The following ZNF789 variants were observed in gnomAD, a reference collection of about 807,000 sequenced individuals.
ZNF789 encodes the protein zinc finger protein 789.
In ZNF789, 11 loss-of-function variants were observed where a neutral mutation model predicts 15.6. The ratio of observed to expected loss-of-function variants is 0.70; its 90% CI spans 0.44 to 1.16. The LOEUF (loss-of-function observed/expected upper bound fraction) is 1.16. ZNF789 is among the 50% of genes most tolerant of loss of function. The pLI is 0.00. For synonymous variants in ZNF789, 159 were observed against 176.0 expected (o/e 0.90, Z 0.76); for missense variants, 461 against 512.6 (o/e 0.90, Z 0.97).
In ZNF789 at chr7:99,479,692, A is replaced by G; in HGVS notation, c.56A>G (p.Tyr19Cys). The G allele has an allele frequency of 1.2e-6, 2 of 1,611,086 alleles. No homozygotes were observed. Among genetic ancestry groups the G allele is most frequent in the Non-Finnish European group, 1.7e-6 (2 of 1,178,890 alleles). ...CTCTCGTTTGAGGATGTGGCGATGT[A>G]CTTCACCAGAGAGGAGTGGGGCCAC... ...ELLSFEDVAM[Y>C]FTREEWGHLN... The change falls in exon 3 of 5, where the codon TAC (tyrosine) becomes TGC (cysteine). Residue 19 changes from tyrosine (Y) to cysteine (C), a missense_variant. Physicochemically the swap from Tyr to Cys is radical, Grantham distance 194. Transcript: ENST00000331410.
Position 99,487,360 on chromosome 7 carries a change from CTT to C in ZNF789, c.1154_1155del (p.Phe385SerfsTer29). ...CGKTFSFKRN[L>X]FRHQVIHTGS... ...GAAAACGTTTAGTTTTAAGAGGAAT[CTT>C]TTTCGACATCAGGTCATTCACACTG... On this transcript the variant is annotated frameshift_variant, in exon 5 of 5. Transcript: ENST00000331410. LOFTEE classifies it low-confidence loss of function (END_TRUNC). 1.2e-6 allele frequency: 2 copies of C among 1,614,232 alleles called. No individual in the cohort carries two copies. The highest frequency in any genetic ancestry group is 1.7e-6 in the Non-Finnish European group (2 of 1,180,038).
intron 3 of ZNF789, 22 bp from the exon 4 acceptor site, chr7:99,484,008 C>G (rs1584567781): frequency 1.2e-6 from 2 of 1,603,182 alleles, no homozygotes; most frequent in East Asian, 4.5e-5. Context: ...CGGCCACATC[C>G]CATTTACTTC....
At chr7:99,483,705 A>T (rs1325841793) in intron 3 of ZNF789, 5 of 780,956 alleles carry the variant, frequency 6.4e-6, no homozygotes, top group Non-Finnish European at 9.6e-6. Flanking sequence ...TTAATGTGCT[A>T]CGCTTGATTT....
intron 2 of ZNF789, among the ~76,000 whole-genome samples, chr7:99,476,696 A>C (rs934374015): frequency 1.3e-5 from 2 of 152,204 alleles, no homozygotes; most frequent in African/African-American, 2.4e-5. Flanking sequence ...GAGAGTGCCT[A>C]TCACAGCGAG....
rs1799337776 is a variant in ZNF789, at chr7:99,476,440, ACCAGG to A, written c.-14_-10del. 6.2e-7 allele frequency: 1 copy of A among 1,609,488 alleles called. No individual in the cohort carries two copies. The highest frequency in any genetic ancestry group is 1.3e-5 in the African/African-American group (1 of 74,762). On this transcript the variant is annotated 5_prime_UTR_variant, in exon 2 of 5. Transcript: ENST00000331410. ...TCCAGGATCCCACCCCTTGCAAAAG[ACCAGG>A]CCGTGGAAGCCATGTTCCCACCAGC...
At chr7:99,479,354 T>G in intron 2 of ZNF789, 2 of 252,094 alleles carry the variant, frequency 7.9e-6, no homozygotes, top group Non-Finnish European at 7.5e-6. Flanking sequence ...AGATTGTTGA[T>G]TTGCTGTTCC....
At chr7:99,474,332 C>T (rs1000117569) in intron 1 of ZNF789, among the ~76,000 whole-genome samples, 1 of 152,194 alleles carries the variant, frequency 6.6e-6, no homozygotes, top group Non-Finnish European at 1.5e-5. Flanking sequence ...CGGTGGCTCA[C>T]GCCTGTAATC....
intron 2 of ZNF789, chr7:99,478,216 C>T (rs1401804756): frequency 4.1e-6 from 5 of 1,209,634 alleles, no homozygotes; most frequent in African/African-American, 1.6e-5. Context: ...AGTTACCATG[C>T]CACAATGACT....
At chr7:99,476,299 A>G in intron 1 of ZNF789, 104 bp from the exon 2 acceptor site, 1 of 675,650 alleles carries the variant, frequency 1.5e-6, no homozygotes, top group Non-Finnish European at 2.4e-6. Flanking sequence ...GGGACTTTGT[A>G]TTAAGCTTTG....
rs774844860 is a variant in ZNF789, at chr7:99,487,509, T to C, written c.*21T>C. 7.5e-6 allele frequency: 12 copies of C among 1,593,930 alleles called. No homozygotes were observed. The highest frequency in any genetic ancestry group is 4.1e-5 in the African/African-American group (3 of 74,024). On this transcript the variant is annotated 3_prime_UTR_variant, in exon 5 of 5. Transcript: ENST00000331410. ...CATGATGTTAATTGGAAAGCAGTCATTGGAGAACTAGAACTTATAAACCTC... is the reference window on the plus strand; with the variant it reads ...CATGATGTTAATTGGAAAGCAGTCACTGGAGAACTAGAACTTATAAACCTC...
At chr7:99,482,746 C>T (rs1370515359) in intron 3 of ZNF789, among the ~76,000 whole-genome samples, 1 of 151,544 alleles carries the variant, frequency 6.6e-6, no homozygotes, top group East Asian at 2.0e-4. Flanking sequence ...CTCAGCTATT[C>T]CGGAGGCTGA....
intron 2 of ZNF789, chr7:99,478,456 G>C: frequency 1.0e-6 from 1 of 985,378 alleles, no homozygotes; most frequent in South Asian, 1.3e-5. Context: ...CCTGCAGAGG[G>C]GAGCTACGTG....
intron 3 of ZNF789, among the ~76,000 whole-genome samples, chr7:99,482,707 A>G (rs953295628): frequency 1.3e-5 from 2 of 151,924 alleles, no homozygotes; most frequent in African/African-American, 4.8e-5. Context: ...ATTCAAAATT[A>G]GTCAGGCGTG....
intron 2 of ZNF789, 194 bp from the exon 3 acceptor site, chr7:99,479,467 C>T (rs1046421782): frequency 3.7e-5 from 18 of 487,034 alleles, no homozygotes; most frequent in African/African-American, 1.4e-4. Flanking sequence ...GTGTCGACCC[C>T]GTGGTATGGA....
intron 4 of ZNF789, 33 bp from the exon 5 acceptor site, chr7:99,486,443 G>C: frequency 3.2e-6 from 5 of 1,580,316 alleles, no homozygotes; most frequent in Non-Finnish European, 3.4e-6. Flanking sequence ...GCAGTGGATA[G>C]GTCATTTACA....
At chr7:99,480,117 G>A (rs1799543622) in intron 3 of ZNF789, 2 of 327,120 alleles carry the variant, frequency 6.1e-6, no homozygotes, top group Non-Finnish European at 1.1e-5. Flanking sequence ...CATGAGGTCA[G>A]TAGTTTGAGA....
rs752387755 is a variant in ZNF789 at position 99,487,498 on chromosome 7, GA to G, written c.*13del. On this transcript the variant is annotated 3_prime_UTR_variant, in exon 5 of 5. Transcript: ENST00000331410. ...ACAGATATCCACATGATGTTAATTG[GA>G]AAGCAGTCATTGGAGAACTAGAACT... 1 of 1,600,234 alleles carries G rather than the reference GA, an allele frequency of 6.2e-7. No individual in the cohort carries two copies. Among genetic ancestry groups the G allele is most frequent in the African/African-American group, 1.3e-5 (1 of 74,262 alleles).
At chr7:99,478,163 TA>T in intron 2 of ZNF789, 2 of 681,154 alleles carry the variant, frequency 2.9e-6, no homozygotes, top group Non-Finnish European at 4.2e-6. Flanking sequence ...ATACTTTTGC[TA>T]AAAATCAGTT....
chr7:99,486,088 T>C (rs1423627973), intron 4 of ZNF789, among the ~76,000 whole-genome samples: 1 of 152,092 alleles, frequency 6.6e-6, no homozygotes, highest in African/African-American at 2.4e-5. Flanking sequence ...GAGGCCGAGG[T>C]GGGTGGATCA....
Sources: allele counts gnomAD v4.1 joint callset (sites outside exome capture counted in the v4.1 genomes callset), GRCh38; gene constraint gnomAD v4.1.1; transcripts MANE v1.5; gene names NCBI Gene and HGNC (gene_info 2026-07-23, HGNC 2026-07-21).